TMEM232: variants seen among roughly 807,000 people sequenced by gnomAD.
The protein encoded by TMEM232 is transmembrane protein 232.
A neutral mutation model predicts 78.8 loss-of-function variants in TMEM232; 80 were observed. The observed-to-expected ratio is 1.01, with a 90% CI of 0.85 to 1.22. TMEM232 has a LOEUF of 1.22. TMEM232 is among the 50% of genes most tolerant of loss of function. The pLI is 0.00. For synonymous variants in TMEM232, 297 were observed against 254.3 expected (o/e 1.17, Z -1.60); for missense variants, 881 against 742.2 (o/e 1.19, Z -2.17).
At position 110,551,524 on chromosome 5, in the gene TMEM232, C is replaced by T. The variant is rs1013231358; in HGVS notation, c.1455+16923G>A. On this transcript the variant is annotated intron_variant, in intron 11 of 13. Coordinates refer to ENST00000455884, the MANE Select transcript of TMEM232 (RefSeq NM_001039763.4). ...AGGCATGAGCCACCGCGCCAGGACA[C>T]GTCTAACATTTTTGTAATAGAAATC... Among the ~76,000 whole-genome samples the T allele has an allele frequency of 3.9e-5, 6 of 152,030 alleles. No homozygotes were observed. The East Asian group carries it at 9.7e-4, about 24-fold the overall frequency.
intron 1 of TMEM232, chr5:110,735,042 T>C (rs1489424927): frequency 2.0e-5 from 3 of 152,180 alleles, no homozygotes; most frequent in African/African-American, 7.2e-5. Context: ...TAAAATAGTG[T>C]ATAGTTGCAT....
chr5:110,653,788 T>C (rs756492353), intron 2 of TMEM232, among the ~76,000 whole-genome samples: 24 of 152,084 alleles, frequency 1.6e-4, no homozygotes, highest in Non-Finnish European at 3.1e-4. Context: ...ATTCTGGGCA[T>C]AGAGAGGATG....
At chr5:110,618,863 C>T (rs759779241) in intron 7 of TMEM232, among the ~76,000 whole-genome samples, 9 of 152,072 alleles carry the variant, frequency 5.9e-5, no homozygotes, top group East Asian at 1.9e-4. Flanking sequence ...AATTGTGGTT[C>T]GTAGATTCTA....
At chr5:110,445,890 A>G (rs1267917356) in intron 12 of TMEM232, among the ~76,000 whole-genome samples, 1 of 152,110 alleles carries the variant, frequency 6.6e-6, no homozygotes, top group African/African-American at 2.4e-5. Flanking sequence ...CCTAAGAGAG[A>G]AATTACAATC....
chr5:110,706,486 A>G (rs1244239529), intron 1 of TMEM232, among the ~76,000 whole-genome samples: 1 of 152,174 alleles, frequency 6.6e-6, no homozygotes, highest in Non-Finnish European at 1.5e-5. Flanking sequence ...AAAGGAATAC[A>G]ACTCTAACCA....
At position 110,623,611 on chromosome 5, in the gene TMEM232, T is replaced by C. The variant is rs149585508; in HGVS notation, c.768+1656A>G. 9.6e-3 allele frequency among the ~76,000 whole-genome samples: 1,467 copies of C among 152,252 alleles called. 8 individuals are homozygous for C. The highest frequency in any genetic ancestry group is 0.02 in the Middle Eastern group (6 of 294). ...AGTCAACTGACCTGGAAAAGCTAGC[T>C]GTACTGGAGAAACTGGGCTGAAACT... On this transcript the variant is annotated intron_variant, in intron 7 of 13. Transcript: ENST00000455884.
At chr5:110,436,522 A>T (rs766506892) in intron 12 of TMEM232, among the ~76,000 whole-genome samples, 4 of 151,894 alleles carry the variant, frequency 2.6e-5, no homozygotes, top group Non-Finnish European at 4.4e-5. Flanking sequence ...CACTCAATAA[A>T]TTTTTCCCTA....
intron 12 of TMEM232, among the ~76,000 whole-genome samples, chr5:110,468,686 T>C (rs897619234): frequency 5.3e-5 from 8 of 152,138 alleles, no homozygotes; most frequent in African/African-American, 1.9e-4. Context: ...AATAAAATTA[T>C]ATAATCATCT....
At chr5:110,730,042 C>T (rs564504656), upstream of TMEM232, among the ~76,000 whole-genome samples, 2 of 152,238 alleles carry the variant, frequency 1.3e-5, no homozygotes, top group South Asian at 2.1e-4. Context: ...GAGAAATCTA[C>T]CTAGTGAGTA....
At chr5:110,608,837 A>C (rs988126950) in intron 8 of TMEM232, among the ~76,000 whole-genome samples, 7 of 152,086 alleles carry the variant, frequency 4.6e-5, no homozygotes, top group African/African-American at 1.7e-4. Flanking sequence ...ATACAGCACT[A>C]GCTTCTTTGT....
At chr5:110,730,750 G>A (rs1053631168), upstream of TMEM232, among the ~76,000 whole-genome samples, 1 of 152,096 alleles carries the variant, frequency 6.6e-6, no homozygotes, top group African/African-American at 2.4e-5. Flanking sequence ...CCTCCCCCAG[G>A]TCCCTCCTAC....
intron 8 of TMEM232, among the ~76,000 whole-genome samples, chr5:110,606,598 C>A (rs1313911189): frequency 6.6e-6 from 1 of 151,888 alleles, no homozygotes; most frequent in African/African-American, 2.4e-5. Flanking sequence ...AGAGTACCCC[C>A]AAAAACTCAC....
chr5:110,516,144 CAGG>C (rs947620449), intron 12 of TMEM232, among the ~76,000 whole-genome samples: 11 of 151,982 alleles, frequency 7.2e-5, no homozygotes, highest in African/African-American at 2.4e-4. Context: ...GAGGCTGACG[CAGG>C]AGAACGGCGT....
chr5:110,547,234 ACTTC>A (rs928164264), intron 11 of TMEM232, among the ~76,000 whole-genome samples: 41 of 152,258 alleles, frequency 2.7e-4, no homozygotes, highest in African/African-American at 9.4e-4. Context: ...TCCATTATTA[ACTTC>A]CTTAAGAAAG....
intron 12 of TMEM232, among the ~76,000 whole-genome samples, chr5:110,475,260 A>G: frequency 6.6e-6 from 1 of 151,780 alleles, no homozygotes; most frequent in East Asian, 1.9e-4. Context: ...TTTTTTTCTG[A>G]AAAGGAAAGG....
rs886495970 is a variant in TMEM232, at chr5:110,411,658, C to A, written n.308+13165G>T. Among the ~76,000 whole-genome samples, 6 of 152,242 alleles carry A rather than the reference C, an allele frequency of 3.9e-5. No individual in the cohort carries two copies. The South Asian group carries it at 1.2e-3, about 32-fold the overall frequency. ...TACTTTTTGTTTCTATAAATTTGACCACTACAGATATATAAGTGGAATCAT... is the reference window on the plus strand; with the variant it reads ...TACTTTTTGTTTCTATAAATTTGACAACTACAGATATATAAGTGGAATCAT... On this transcript the variant is annotated intron_variant and non_coding_transcript_variant, in intron 2 of 8. Coordinates refer to the TMEM232 transcript ENST00000507188.
At chr5:110,556,076 TA>T (rs1054677569) in intron 11 of TMEM232, among the ~76,000 whole-genome samples, 2 of 152,182 alleles carry the variant, frequency 1.3e-5, no homozygotes, top group African/African-American at 4.8e-5. Context: ...CTTTATGGCG[TA>T]AATGATCTAA....
intron 2 of TMEM232, among the ~76,000 whole-genome samples, chr5:110,412,964 A>G (rs982085506): frequency 1.3e-5 from 2 of 152,194 alleles, no homozygotes; most frequent in African/African-American, 4.8e-5. Context: ...AATAATTTCT[A>G]CTACTCTTAG....
At chr5:110,576,916 CA>C (rs1028112137) in intron 10 of TMEM232, among the ~76,000 whole-genome samples, 2 of 151,892 alleles carry the variant, frequency 1.3e-5, no homozygotes, top group African/African-American at 4.8e-5. Flanking sequence ...CTGTAAGACC[CA>C]AAACTATGAA....
Sources: allele counts gnomAD v4.1 joint callset (sites outside exome capture counted in the v4.1 genomes callset), GRCh38; gene constraint gnomAD v4.1.1; transcripts MANE v1.5; gene names NCBI Gene and HGNC (gene_info 2026-07-23, HGNC 2026-07-21).